ADAR: variants seen among roughly 807,000 people sequenced by gnomAD.
ADAR encodes the protein double-stranded RNA-specific adenosine deaminase.
In ADAR, 41 loss-of-function variants were observed where a neutral mutation model predicts 113.2. The observed-to-expected ratio is 0.36, with a 90% CI of 0.28 to 0.47. ADAR has a LOEUF of 0.47. Ranked by LOEUF, ADAR falls within the 20% of genes least tolerant of loss-of-function variation. The pLI, the probability that ADAR is intolerant of heterozygous loss-of-function variation, is 1.00. For missense variants in ADAR, 1,242 were observed against 1,540.9 expected (o/e 0.81, Z 3.25); for synonymous variants, 605 against 572.6 (o/e 1.06, Z -0.81).
chr1:154,589,663 T>TGC (rs1308435175), intron 8 of ADAR, 94 bp downstream of exon 8: 2 of 1,501,288 alleles, frequency 1.3e-6, no homozygotes, highest in Admixed American at 1.7e-5. Context: ...CTCTTCTCCC[T>TGC]GCCTTGGACT....
At chr1:154,587,262 G>A (rs1245978498) in intron 11 of ADAR, among the ~76,000 whole-genome samples, 1 of 152,148 alleles carries the variant, frequency 6.6e-6, no homozygotes, top group East Asian at 1.9e-4. Flanking sequence ...TTTTGTGACT[G>A]GCTTTTTTCA....
Position 154,589,932 on chromosome 1 carries a change from T to TG in ADAR, c.2497-5dup, listed in dbSNP as rs1366141730. On this transcript the variant is annotated splice_polypyrimidine_tract_variant and splice_region_variant and intron_variant, in intron 7 of 14. Transcript: ENST00000368474. ...AGGTGCTGCCAGTGAGAGGGAGCTG[T>TG]GGGGAAAAGAGGCTGTGTCAGCACC... 8.7e-6 allele frequency: 14 copies of TG among 1,613,652 alleles called. No individual in the cohort carries two copies. Among genetic ancestry groups the TG allele is most frequent in the Non-Finnish European group, 1.2e-5 (14 of 1,179,998 alleles).
At chr1:154,598,277 G>C (rs1697636176) in intron 3 of ADAR, 125 bp downstream of exon 3, 2 of 1,070,626 alleles carry the variant, frequency 1.9e-6, no homozygotes, top group South Asian at 2.6e-5. Flanking sequence ...TAGGGTAGAG[G>C]GAAGAGTGGG....
At chr1:154,592,756 T>C (rs1697231525) in intron 6 of ADAR, among the ~76,000 whole-genome samples, 2 of 151,880 alleles carry the variant, frequency 1.3e-5, no homozygotes, top group Non-Finnish European at 2.9e-5. Context: ...GGACATGTCA[T>C]ATTAGGGATG....
chr1:154,597,010 A>G lies in ADAR; in HGVS notation c.2080-15T>C, dbSNP rs778344845. 2 of 1,614,076 alleles carry G rather than the reference A, an allele frequency of 1.2e-6. No homozygotes were observed. The highest frequency in any genetic ancestry group is 2.2e-5 in the East Asian group (1 of 44,900). On this transcript the variant is annotated splice_polypyrimidine_tract_variant and intron_variant, in intron 5 of 14. Transcript: ENST00000368474. ...ATACCTTCAGGCTAAAGGAGAATCC[A>G]TCAAACAGAGGAGCCATAAACACTT...
intron 1 of ADAR, among the ~76,000 whole-genome samples, chr1:154,607,040 G>A (rs1248312883): frequency 2.0e-5 from 3 of 151,278 alleles, no homozygotes; most frequent in Admixed American, 6.6e-5. Context: ...TTCGACAATC[G>A]CCACCACAAT....
At chr1:154,622,441 A>G (rs1226998677) in intron 1 of ADAR, among the ~76,000 whole-genome samples, 1 of 152,244 alleles carries the variant, frequency 6.6e-6, no homozygotes, top group East Asian at 1.9e-4. Flanking sequence ...ACTCCAGTCC[A>G]AGAGTGAGTT....
In ADAR at chr1:154,602,311, G is replaced by C; in HGVS notation, c.331C>G (p.Pro111Ala). Reference protein sequence around the residue: ...SQGLQRGFQHPSPRGRSLPQR... With the variant: ...SQGLQRGFQHASPRGRSLPQR... ...GGCAGACTCCTGCCACGTGGTGAAG[G>C]ATGCTGGAACCCTCTCTGGAGCCCC... is the stretch of plus-strand genomic sequence containing the variant. The change falls in exon 2 of 15, where the codon CCT (proline) becomes GCT (alanine). Residue 111 changes from proline to alanine, a missense_variant. Transcript: ENST00000368474. 6.2e-7 allele frequency: 1 copy of C among 1,613,690 alleles called. No homozygotes were observed. The highest frequency in any genetic ancestry group is 8.5e-7 in the Non-Finnish European group (1 of 1,179,754).
chr1:154,601,056 G>A lies in ADAR; in HGVS notation c.1586C>T (p.Pro529Leu), dbSNP rs1557885457. ...GGTCTCTTACCGAGGTTCATGGGGT[G>A]GTCCACTCTGCTCTATCATGTTGAA... ...CEFNMIEQSG[P>L]PHEPRFKFQV... Residue 529 changes from proline to leucine, a missense_variant, in exon 2 of 15, where the codon CCA (proline) becomes CTA (leucine). Physicochemically the swap from Pro to Leu is moderately conservative, Grantham distance 98 (BLOSUM62 -3). Transcript: ENST00000368474. This position sits in a 1 kb window ranked among gnomAD's most constrained non-coding sequence, Gnocchi z 4.7. The A allele has an allele frequency of 6.2e-7, 1 of 1,614,046 alleles. No individual in the cohort carries two copies. Among genetic ancestry groups the A allele is most frequent in the African/African-American group, 1.3e-5 (1 of 74,920 alleles).
Position 154,596,915 on chromosome 1 carries a change from C to T in ADAR, c.2160G>A (p.Val720=), listed in dbSNP as rs1456381148. 2 of 1,614,056 alleles carry T rather than the reference C, an allele frequency of 1.2e-6. No individual in the cohort carries two copies. Among genetic ancestry groups the T allele is most frequent in the Non-Finnish European group, 8.5e-7 (1 of 1,180,044 alleles). The change falls in exon 6 of 15, where the codon GTG becomes GTA. Residue 720 remains valine, a synonymous_variant. Transcript: ENST00000368474. The stretch of plus-strand genomic sequence containing the variant: ...CCACAGGGTTGGTGTTCAGGTATCT[C>T]ACGAGCTCGCCAATCTTCCTGACCT... The part of the protein sequence containing the change: ...PNKVRKIGEL[V]RYLNTNPVGG...
chr1:154,608,059 C>T lies in ADAR; in HGVS notation c.-53G>A. On this transcript the variant is annotated 5_prime_UTR_variant, in exon 1 of 15. Coordinates refer to ENST00000368474, the MANE Select transcript of ADAR (RefSeq NM_001111.5). ...ACCCGCCGGCGGCACGACCCTGGCCCGACCGCTGGGCCGCGCCAGCCCCTC... is the reference window on the plus strand; with the variant it reads ...ACCCGCCGGCGGCACGACCCTGGCCTGACCGCTGGGCCGCGCCAGCCCCTC... 6.5e-7 allele frequency: 1 copy of T among 1,541,452 alleles called. No individual in the cohort carries two copies. The highest frequency in any genetic ancestry group is 8.7e-7 in the Non-Finnish European group (1 of 1,143,210).
intron 6 of ADAR, among the ~76,000 whole-genome samples, chr1:154,596,306 G>A (rs1045724205): frequency 2.6e-5 from 4 of 152,032 alleles, no homozygotes; most frequent in Non-Finnish European, 5.9e-5. Flanking sequence ...GCAGTGGTGC[G>A]ATCTCAGCTC....
intron 8 of ADAR, 123 bp from the exon 9 acceptor site, chr1:154,589,585 C>T: frequency 8.5e-7 from 1 of 1,173,886 alleles, no homozygotes; most frequent in African/African-American, 1.5e-5. Flanking sequence ...TCCTAGACTC[C>T]CATATTCTCT....
upstream of ADAR, among the ~76,000 whole-genome samples, chr1:154,608,492 C>CTTTTTT (rs67463447): frequency 0.029 from 1,901 of 65,672 alleles, 158 homozygotes; most frequent in Middle Eastern, 0.06. Context: ...TCACTCCTGG[C>CTTTTTT]TTTTTTTTTT....
intron 8 of ADAR, 79 bp downstream of exon 8, chr1:154,589,678 T>C (rs542445699): frequency 2.6e-6 from 4 of 1,556,638 alleles, no homozygotes; most frequent in South Asian, 2.2e-5. Flanking sequence ...TGGACTTACA[T>C]GCATGGACTC....
At chr1:154,602,711 A>G (rs947008660) in intron 1 of ADAR, 85 bp from the exon 2 acceptor site, 1 of 1,546,514 alleles carries the variant, frequency 6.5e-7, no homozygotes, top group Non-Finnish European at 8.8e-7. Context: ...CTGCCTGTGG[A>G]ACAGCCCTTG....
intron 6 of ADAR, 72 bp downstream of exon 6, chr1:154,596,733 C>A (rs1697521681): frequency 1.3e-6 from 2 of 1,571,532 alleles, no homozygotes; most frequent in African/African-American, 2.7e-5. Flanking sequence ...CTAAAGCACA[C>A]CCTTGTTTTC....
At chr1:154,627,735 C>G (rs1396042523) in intron 1 of ADAR, 1 of 423,426 alleles carries the variant, frequency 2.4e-6, no homozygotes, top group East Asian at 6.9e-5. Flanking sequence ...CGGCCACCCT[C>G]AGTGCCCTGC....
At chr1:154,600,399 T>A (rs1355204372) in intron 2 of ADAR, 1 of 155,124 alleles carries the variant, frequency 6.4e-6, no homozygotes, top group Non-Finnish European at 1.4e-5. Context: ...CACCTCATGA[T>A]CTGCCTGCCT....
Sources: gnomAD v4.1 joint callset for allele counts (sites outside exome capture counted in the v4.1 genomes callset) on GRCh38, gnomAD v4.1.1 for gene constraint, Gnocchi (gnomAD v3.1) non-coding constraint, MANE v1.5 for transcripts, NCBI Gene and HGNC (gene_info 2026-07-23, HGNC 2026-07-21) for gene names.